ANAPC1: variants seen among roughly 807,000 people sequenced by gnomAD.
ANAPC1 encodes the protein anaphase promoting complex subunit 1, also known as anaphase-promoting complex subunit 1.
Under a neutral mutation model 208.0 loss-of-function variants are expected in ANAPC1, and 36 were observed. The observed-to-expected ratio is 0.17, with a 90% confidence interval of 0.13 to 0.23. The LOEUF (loss-of-function observed/expected upper bound fraction) is 0.23, where lower values mean the gene tolerates loss of function less well. Ranked by LOEUF, ANAPC1 falls within the 10% of genes least tolerant of loss-of-function variation. The probability of loss-of-function intolerance (pLI) is 1.00; values close to 1 mark genes in which losing one functional copy is unlikely to be tolerated. For missense variants in ANAPC1, 942 were observed against 2,011.6 expected, an observed-to-expected ratio of 0.47 and a Z score of 10.17; for synonymous variants, 378 against 695.2, an observed-to-expected ratio of 0.54 and a Z score of 7.18.
chr2:111,794,892 A>G lies in ANAPC1; in HGVS notation c.4299T>C (p.Ile1433=). 2 of 1,275,654 alleles carry G rather than the reference A, an allele frequency of 1.6e-6. No homozygotes were observed. The highest frequency in any genetic ancestry group is 1.4e-5 in the South Asian group (1 of 73,862). The allele number at this position is 1,275,654 out of a possible 1,614,324, so 79.0% of individuals were successfully genotyped here. The part of the protein sequence containing the change: ...SKWVDSNVPQ[I]IRENSISLSE... ...TGAGAGAGATACTATTTTCTCTTATAATCTGTCAATATAGAAAGCAAGAAT... is the reference window on the plus strand; with the variant it reads ...TGAGAGAGATACTATTTTCTCTTATGATCTGTCAATATAGAAAGCAAGAAT... Residue 1433 remains isoleucine, a splice_region_variant and synonymous_variant, in exon 35 of 48, where the codon ATT becomes ATC. Transcript: ENST00000341068.
chr2:111,860,857 C>G (rs533348201), intron 10 of ANAPC1, among the ~76,000 whole-genome samples: 5 of 152,086 alleles, frequency 3.3e-5, no homozygotes, highest in Non-Finnish European at 5.9e-5. Flanking sequence ...AAAACCCTCT[C>G]CTTGGGAAAA....
chr2:111,823,308 CG>C (rs1462877295), intron 24 of ANAPC1, among the ~76,000 whole-genome samples: 2 of 151,954 alleles, frequency 1.3e-5, no homozygotes, highest in African/African-American at 2.4e-5. Flanking sequence ...TGAGCCACCG[CG>C]CCTGGCCCAA....
At chr2:111,870,379 A>G (rs1238807567) in intron 6 of ANAPC1, among the ~76,000 whole-genome samples, 1 of 152,100 alleles carries the variant, frequency 6.6e-6, no homozygotes, top group African/African-American at 2.4e-5. Flanking sequence ...GCCAACATCT[A>G]TTGTTTTTCT....
At position 111,817,295 on chromosome 2, in the gene ANAPC1, T is replaced by C. The variant is rs1303777827; in HGVS notation, c.3325+1545A>G. Among the ~76,000 whole-genome samples the C allele has an allele frequency of 2.7e-5, 4 of 150,676 alleles. No individual in the cohort carries two copies. The Admixed American group carries it at 2.7e-4, about 10-fold the overall frequency. ...TATATATTTTTTAAACCCACCCAAG[T>C]ATCACTTGAGTGCTAAATCACCCAG... is the stretch of plus-strand genomic sequence containing the variant. On this transcript the variant is annotated intron_variant, in intron 27 of 47. Coordinates refer to ENST00000341068, the MANE Select transcript of ANAPC1 (RefSeq NM_022662.4).
chr2:111,879,390 CA>C (rs1276180982), intron 2 of ANAPC1, among the ~76,000 whole-genome samples: 1 of 152,176 alleles, frequency 6.6e-6, no homozygotes, highest in African/African-American at 2.4e-5. Context: ...TTCGCAATCA[CA>C]TATATATTCA....
chr2:111,882,470 C>T (rs1401102279), intron 1 of ANAPC1, among the ~76,000 whole-genome samples: 3 of 152,124 alleles, frequency 2.0e-5, no homozygotes, highest in Non-Finnish European at 4.4e-5. Flanking sequence ...TGGCTCACGC[C>T]TGCAATCCCA....
chr2:111,860,918 TTCTAA>T (rs58301920), intron 10 of ANAPC1, among the ~76,000 whole-genome samples: 11,392 of 152,188 alleles, frequency 0.075, 582 homozygotes, highest in South Asian at 0.21. Flanking sequence ...AATTCTTCAA[TTCTAA>T]TCTAATTCTC....
At chr2:111,772,849 C>A (rs1676816171) in intron 46 of ANAPC1, among the ~76,000 whole-genome samples, 1 of 151,996 alleles carries the variant, frequency 6.6e-6, no homozygotes, top group Non-Finnish European at 1.5e-5. Flanking sequence ...TAGATCCTTA[C>A]TAGTCTTGGC....
chr2:111,883,432 T>C (rs768961031), intron 1 of ANAPC1, among the ~76,000 whole-genome samples: 1 of 151,908 alleles, frequency 6.6e-6, no homozygotes, highest in Admixed American at 6.6e-5. Flanking sequence ...GAAATGTTTT[T>C]ACTTGTTAGG....
chr2:111,858,466 TAA>T lies in ANAPC1; in HGVS notation c.1263-67_1263-66del. 4 of 1,425,368 alleles carry T rather than the reference TAA, an allele frequency of 2.8e-6. No individual in the cohort carries two copies. The Admixed American group carries it at 5.5e-5, about 20-fold the overall frequency. 88.3% of individuals were successfully genotyped at this position (1,425,368 alleles called of 1,614,324 possible). On this transcript the variant is annotated intron_variant, in intron 10 of 47. Coordinates refer to ENST00000341068, the MANE Select transcript of ANAPC1 (RefSeq NM_022662.4). Reference sequence around the variant, plus strand: ...TCCAAGAATCTACCACAGTAACTATTAAAAGTCTTTGAGGCCGGGCGCGGTGG... The same window carrying T: ...TCCAAGAATCTACCACAGTAACTATTAAGTCTTTGAGGCCGGGCGCGGTGG...
chr2:111,861,180 ACT>A (rs1682044729), intron 10 of ANAPC1, among the ~76,000 whole-genome samples: 1 of 151,790 alleles, frequency 6.6e-6, no homozygotes, highest in Admixed American at 6.6e-5. Context: ...GGTTCAAATG[ACT>A]CTCTCACCTC....
Position 111,838,431 on chromosome 2 carries a change from T to G in ANAPC1, c.2115+7A>C, listed in dbSNP as rs200742648. 5.0e-6 allele frequency: 8 copies of G among 1,591,878 alleles called. No individual in the cohort carries two copies. In the African/African-American group the frequency reaches 1.1e-4, roughly 22 times the overall value. On this transcript the variant is annotated splice_region_variant and intron_variant, in intron 18 of 47. Transcript: ENST00000341068. ...AATTTATATTAGCAAGAAATAATAA[T>G]GCTTACATCATCAGATCCAGTCTCG...
chr2:111,827,105 T>C (rs1312183391), intron 21 of ANAPC1, among the ~76,000 whole-genome samples: 1 of 152,150 alleles, frequency 6.6e-6, no homozygotes, highest in African/African-American at 2.4e-5. Flanking sequence ...GTATGAGAGT[T>C]TCGATTGCTC....
At chr2:111,832,219 C>A (rs1483532525) in intron 20 of ANAPC1, among the ~76,000 whole-genome samples, 3 of 149,706 alleles carry the variant, frequency 2.0e-5, no homozygotes, top group Non-Finnish European at 4.4e-5. Flanking sequence ...AGGAGAATCG[C>A]TTGAGCCTGG....
rs908553180 is a variant in ANAPC1 at position 111,832,937 on chromosome 2, C to CAAAAAAAAAAAAAAAAAAAA, written c.2476+282_2476+283insTTTTTTTTTTTTTTTTTTTT. Among the ~76,000 whole-genome samples, 76 of 53,612 alleles carry CAAAAAAAAAAAAAAAAAAAA rather than the reference C, an allele frequency of 1.4e-3. 9 individuals carry two copies. Among genetic ancestry groups the CAAAAAAAAAAAAAAAAAAAA allele is most frequent in the Non-Finnish European group, 1.5e-3 (42 of 28,466 alleles). 35.2% of individuals were successfully genotyped at this position (53,612 alleles called of 152,430 possible). ...TGGGTGACAGAGCGAGACTCAGTCTCAAAAAAAAAAAAAAAAAAAGCATCC... is the reference window on the plus strand; with the variant it reads ...TGGGTGACAGAGCGAGACTCAGTCTCAAAAAAAAAAAAAAAAAAAAAAAAAAAAAAAAAAAAAAAGCATCC... On this transcript the variant is annotated intron_variant, in intron 20 of 47. Coordinates refer to ENST00000341068, the MANE Select transcript of ANAPC1 (RefSeq NM_022662.4).
At chr2:111,871,159 T>C (rs965709488) in intron 6 of ANAPC1, among the ~76,000 whole-genome samples, 6 of 152,184 alleles carry the variant, frequency 3.9e-5, no homozygotes, top group African/African-American at 1.4e-4. Flanking sequence ...GTTTTGGCTA[T>C]TTTGGGCTCT....
In ANAPC1 at chr2:111,813,338, G is replaced by C. The variant is rs527824641; in HGVS notation, c.3597+2032C>G. ...CCTTTTTAATCATACCTGAAAGCCC[G>C]ACTCCTCTGAGGTAGGGATATTTTA... On this transcript the variant is annotated intron_variant, in intron 28 of 47. Coordinates refer to ENST00000341068, the MANE Select transcript of ANAPC1 (RefSeq NM_022662.4). 1.9e-3 allele frequency among the ~76,000 whole-genome samples: 286 copies of C among 151,102 alleles called. 1 individual carries two copies. The highest frequency in any genetic ancestry group is 3.2e-3 in the Non-Finnish European group (218 of 67,824).
intron 10 of ANAPC1, among the ~76,000 whole-genome samples, chr2:111,858,740 C>T (rs1277430539): frequency 2.1e-5 from 3 of 140,026 alleles, no homozygotes; most frequent in Non-Finnish European, 4.5e-5. Context: ...CCAGCCTGGG[C>T]GACAGAGCCA....
chr2:111,816,636 A>G (rs1473177877), intron 27 of ANAPC1, among the ~76,000 whole-genome samples: 5 of 145,520 alleles, frequency 3.4e-5, no homozygotes, highest in African/African-American at 1.0e-4. Context: ...TATATTTTGA[A>G]TATTGTCTTA....
Sources: allele counts gnomAD v4.1 joint callset (sites outside exome capture counted in the v4.1 genomes callset), GRCh38; gene constraint gnomAD v4.1.1; transcripts MANE v1.5; gene names NCBI Gene and HGNC (gene_info 2026-07-23, HGNC 2026-07-21).